Variants in MYO1H observed in about 807,000 individuals in gnomAD.
MYO1H encodes the protein unconventional myosin-Ih.
A neutral mutation model predicts 149.3 loss-of-function variants in MYO1H; 118 were observed. The ratio of observed to expected loss-of-function variants is 0.79; its 90% CI spans 0.68 to 0.92. MYO1H has a LOEUF of 0.92. Among genes scored for constraint, MYO1H ranks in the 40% least tolerant of loss-of-function variants. The probability of loss-of-function intolerance (pLI) is 0.00; values close to 1 mark genes in which losing one functional copy is unlikely to be tolerated. For synonymous variants in MYO1H, 447 were observed against 465.2 expected, an observed-to-expected ratio of 0.96 and a Z score of 0.50; for missense variants, 1,212 against 1,280.7, an observed-to-expected ratio of 0.95 and a Z score of 0.82.
chr12:109,439,841 GA>G (rs1162482482), intron 24 of MYO1H, 51 bp downstream of exon 24: 61 of 1,525,178 alleles, frequency 4.0e-5, no homozygotes, highest in Non-Finnish European at 5.5e-5. Context: ...GGGCACTGAC[GA>G]AGCTTAACTC....
At chr12:109,376,891 A>C (rs894437058) in intron 1 of MYO1H, among the ~76,000 whole-genome samples, 2 of 152,256 alleles carry the variant, frequency 1.3e-5, no homozygotes, top group African/African-American at 4.8e-5. Flanking sequence ...GTGGGAGAAC[A>C]TAACATCTTT....
the MYO1H span, among the ~76,000 whole-genome samples, chr12:109,337,706 A>C: frequency 4.5e-4 from 69 of 152,294 alleles, no homozygotes; most frequent in Middle Eastern, 3.4e-3. Context: ...CTACAATTCA[A>C]GATGAGATTT....
intron 1 of MYO1H, among the ~76,000 whole-genome samples, chr12:109,348,465 G>A (rs192300224): frequency 6.6e-6 from 1 of 152,342 alleles, no homozygotes; most frequent in Admixed American, 6.5e-5. Flanking sequence ...GAAGGAAATT[G>A]TAGGTAATAA....
intron 15 of MYO1H, 66 bp downstream of exon 15, chr12:109,415,686 C>G: frequency 8.3e-7 from 1 of 1,207,932 alleles, no homozygotes; most frequent in Non-Finnish European, 1.1e-6. Flanking sequence ...ACAATAAGCT[C>G]CGAGTCCATG....
At chr12:109,430,604 TAAAG>T (rs1165676201) in intron 19 of MYO1H, among the ~76,000 whole-genome samples, 1 of 152,176 alleles carries the variant, frequency 6.6e-6, no homozygotes, top group Non-Finnish European at 1.5e-5. Context: ...TCGATACCCT[TAAAG>T]AACATGCTCA....
chr12:109,367,705 C>T (rs956284042), intron 1 of MYO1H, among the ~76,000 whole-genome samples: 1 of 151,832 alleles, frequency 6.6e-6, no homozygotes, highest in Non-Finnish European at 1.5e-5. Flanking sequence ...GCGCCCGCCA[C>T]CACACCCGGC....
chr12:109,412,018 G>C, intron 14 of MYO1H, 33 bp downstream of exon 14: 1 of 1,442,716 alleles, frequency 6.9e-7, no homozygotes, highest in African/African-American at 1.4e-5. Flanking sequence ...TTTTGCATGG[G>C]GGAAGATGAT....
At chr12:109,313,418 A>G in the MYO1H span, among the ~76,000 whole-genome samples, 1 of 152,222 alleles carries the variant, frequency 6.6e-6, no homozygotes, top group Non-Finnish European at 1.5e-5. Flanking sequence ...AGATGGGAGC[A>G]CAGATTATTT....
chr12:109,445,600 A>T (rs778908458), exon 31 of MYO1H: 1 of 1,612,526 alleles, frequency 6.2e-7, no homozygotes, highest in Non-Finnish European at 8.5e-7. Flanking sequence ...ATAAAAATGG[A>T]CAATTAACAG....
At chr12:109,342,461 T>C in the MYO1H span, among the ~76,000 whole-genome samples, 1 of 151,034 alleles carries the variant, frequency 6.6e-6, no homozygotes, top group Non-Finnish European at 1.5e-5. Context: ...TTTTTTAATG[T>C]ATATATTCAT....
At chr12:109,421,182 T>C (rs376926566) in intron 16 of MYO1H, among the ~76,000 whole-genome samples, 155 bp downstream of exon 16, 1 of 152,100 alleles carries the variant, frequency 6.6e-6, no homozygotes, top group African/African-American at 2.4e-5. Context: ...TTCAGGATCA[T>C]CTGTGTGGAC....
At chr12:109,312,612 T>C in the MYO1H span, among the ~76,000 whole-genome samples, 4 of 152,142 alleles carry the variant, frequency 2.6e-5, no homozygotes, top group South Asian at 8.3e-4. Flanking sequence ...GCTTTGCTTA[T>C]TGGTCTAGTT....
chr12:109,340,746 G>A, the MYO1H span, among the ~76,000 whole-genome samples: 1 of 152,118 alleles, frequency 6.6e-6, no homozygotes, highest in Non-Finnish European at 1.5e-5. Flanking sequence ...TTTGTCATTA[G>A]TTTCTGTTTT....
rs1872034813 is a variant in MYO1H at position 109,439,760 on chromosome 12, C to G, written c.2424C>G (p.Ser808Arg). The change falls in exon 24 of 32, where the codon AGC (serine) becomes AGG (arginine). Residue 808 changes from serine to arginine, a missense_variant. Ser to Arg is a moderately radical substitution (Grantham distance 110). Transcript: ENST00000310903. ...TTCCAAAGACTGTCCTGGACAAGAG[C>G]TGGCTGAGGCCTCCTGGCATCTTGG... is the stretch of plus-strand genomic sequence containing the variant. 4.3e-6 allele frequency: 7 copies of G among 1,613,920 alleles called. No homozygotes were observed. The African/African-American group carries it at 6.7e-5, about 15-fold the overall frequency.
chr12:109,375,936 A>C (rs1277603503), intron 1 of MYO1H, among the ~76,000 whole-genome samples: 1 of 152,180 alleles, frequency 6.6e-6, no homozygotes, highest in Non-Finnish European at 1.5e-5. Context: ...CTATAATAGC[A>C]CCACTACACT....
At chr12:109,391,173 C>G (rs1869636960) in intron 2 of MYO1H, among the ~76,000 whole-genome samples, 1 of 152,080 alleles carries the variant, frequency 6.6e-6, no homozygotes, top group Non-Finnish European at 1.5e-5. Flanking sequence ...ACAGATCATC[C>G]CATCACCAAG....
At position 109,443,355 on chromosome 12, in the gene MYO1H, TACACACACACACACAC is replaced by T. The variant is rs10545297; in HGVS notation, c.2689-135_2689-120del. 3.2e-4 allele frequency among the ~76,000 whole-genome samples: 24 copies of T among 74,778 alleles called. 5 individuals carry two copies. The highest frequency in any genetic ancestry group is 1.1e-3 in the African/African-American group (20 of 18,566). The allele number at this position is 74,778 out of a possible 152,430, so 49.1% of individuals were successfully genotyped here. ...ATGTGTACGTATATATGTGTGTATATACACACACACACACACACACACACACACACACACACACATA... is the reference window on the plus strand; with the variant it reads ...ATGTGTACGTATATATGTGTGTATATACACACACACACACACACACACATA... On this transcript the variant is annotated intron_variant, in intron 27 of 31. Transcript: ENST00000310903.
the MYO1H span, among the ~76,000 whole-genome samples, chr12:109,341,065 G>T: frequency 6.6e-6 from 1 of 151,824 alleles, no homozygotes; most frequent in East Asian, 1.9e-4. Flanking sequence ...GCGGGCACCT[G>T]TAATCCCAGC....
At chr12:109,410,021 A>T in exon 12 of MYO1H, 1 of 1,545,902 alleles carries the variant, frequency 6.5e-7, no homozygotes, top group Non-Finnish European at 8.7e-7. Context: ...GTTAATTGAG[A>T]GGACTCTAAA....
Sources: gnomAD v4.1 joint callset for allele counts (sites outside exome capture counted in the v4.1 genomes callset) on GRCh38, gnomAD v4.1.1 for gene constraint, MANE v1.5 for transcripts, NCBI Gene and HGNC (gene_info 2026-07-23, HGNC 2026-07-21) for gene names.